Variants in GALNT18 observed in about 807,000 individuals in gnomAD.
The protein encoded by GALNT18 is polypeptide N-acetylgalactosaminyltransferase 18.
A neutral mutation model predicts 69.5 loss-of-function variants in GALNT18; 44 were observed. The ratio of observed to expected loss-of-function variants is 0.63; its 90% CI spans 0.50 to 0.81. The LOEUF (loss-of-function observed/expected upper bound fraction) is 0.81, where lower values mean the gene tolerates loss of function less well. GALNT18 is among the 40% of genes least tolerant of loss of function. GALNT18 has a pLI of 0.00. For synonymous variants in GALNT18, 364 were observed against 318.2 expected (o/e 1.14, Z -1.53); for missense variants, 715 against 810.0 (o/e 0.88, Z 1.42).
rs1849635489 is a variant in GALNT18 at position 11,309,520 on chromosome 11, C to G, written c.1513-16327G>C. 6.6e-6 allele frequency among the ~76,000 whole-genome samples: 1 copy of G among 152,092 alleles called. No homozygotes were observed. The highest frequency in any genetic ancestry group is 2.1e-4 in the South Asian group (1 of 4,826). ...TGCTAGCAGCTTCAATTTTTAAATTCCTTACTTTTTCTGCCTTTTACACCC... is the reference window on the plus strand; with the variant it reads ...TGCTAGCAGCTTCAATTTTTAAATTGCTTACTTTTTCTGCCTTTTACACCC... On this transcript the variant is annotated intron_variant, in intron 9 of 10. Coordinates refer to ENST00000227756, the MANE Select transcript of GALNT18 (RefSeq NM_198516.3). The surrounding 1 kb of genome is among the most constrained non-coding windows in gnomAD (Gnocchi z 4.6).
At position 11,564,130 on chromosome 11, in the gene GALNT18, C is replaced by A. The variant is rs1209353679; in HGVS notation, c.235+57229G>T. Reference sequence around the variant, plus strand: ...TAACCCCATTTTACAGTTGAAGGAACTTGAGCATAGAGAGGTAGAACAACT... The same window carrying A: ...TAACCCCATTTTACAGTTGAAGGAAATTGAGCATAGAGAGGTAGAACAACT... On this transcript the variant is annotated intron_variant, in intron 1 of 10. Coordinates refer to ENST00000227756, the MANE Select transcript of GALNT18 (RefSeq NM_198516.3). This position sits in a 1 kb window ranked among gnomAD's most constrained non-coding sequence, Gnocchi z 4.3. Among the ~76,000 whole-genome samples the A allele has an allele frequency of 6.6e-6, 1 of 152,306 alleles. No individual in the cohort carries two copies. Among genetic ancestry groups the A allele is most frequent in the Non-Finnish European group, 1.5e-5 (1 of 68,030 alleles).
chr11:11,510,348 C>T (rs1857142542), intron 1 of GALNT18, among the ~76,000 whole-genome samples: 1 of 152,160 alleles, frequency 6.6e-6, no homozygotes, highest in African/African-American at 2.4e-5. Flanking sequence ...AAGGGCAGGT[C>T]AGAAGCATTA....
intron 9 of GALNT18, among the ~76,000 whole-genome samples, chr11:11,319,097 C>T (rs555949855): frequency 5.2e-5 from 7 of 134,874 alleles, no homozygotes; most frequent in South Asian, 4.5e-4. Context: ...CTTGCTTAAC[C>T]GTCTTACTTA....
At chr11:11,568,756 C>T (rs1858712967) in intron 1 of GALNT18, among the ~76,000 whole-genome samples, 1 of 152,140 alleles carries the variant, frequency 6.6e-6, no homozygotes, top group Admixed American at 6.5e-5. Flanking sequence ...GCCTGGGTGA[C>T]CTAGTACAAG....
intron 1 of GALNT18, among the ~76,000 whole-genome samples, chr11:11,535,593 A>C (rs1185339757): frequency 6.6e-6 from 1 of 152,124 alleles, no homozygotes; most frequent in East Asian, 1.9e-4. Flanking sequence ...TTCCCAGGGA[A>C]GAGAACCCTG....
rs183457094 is a variant in GALNT18 at position 11,403,661 on chromosome 11, G to C, written c.596-24397C>G. Among the ~76,000 whole-genome samples the C allele has an allele frequency of 7.5e-4, 115 of 152,348 alleles. 2 individuals carry two copies. In the Middle Eastern group the frequency reaches 0.017, roughly 23 times the overall value. The stretch of plus-strand genomic sequence containing the variant: ...CCTCCCCTGTTATTCTGCCATGGGA[G>C]AGAGAGGCTTTGATCCAAGCCAGTG... On this transcript the variant is annotated intron_variant, in intron 3 of 10. Coordinates refer to ENST00000227756, the MANE Select transcript of GALNT18 (RefSeq NM_198516.3).
At chr11:11,290,120 T>C (rs543614912) in intron 10 of GALNT18, among the ~76,000 whole-genome samples, 2 of 152,194 alleles carry the variant, frequency 1.3e-5, no homozygotes, top group South Asian at 4.2e-4. Context: ...CTCTTGTCGA[T>C]TGAGGACTCC....
chr11:11,467,789 C>G (rs942105221), intron 1 of GALNT18, among the ~76,000 whole-genome samples: 1 of 152,154 alleles, frequency 6.6e-6, no homozygotes, highest in African/African-American at 2.4e-5. Context: ...GTAGTATTTC[C>G]TTTCATTGTT....
At position 11,408,994 on chromosome 11, in the gene GALNT18, A is replaced by G. The variant is rs924908496; in HGVS notation, c.595+23627T>C. Among the ~76,000 whole-genome samples, 7 of 151,868 alleles carry G rather than the reference A, an allele frequency of 4.6e-5. 1 individual carries two copies. The highest frequency in any genetic ancestry group is 1.0e-4 in the Non-Finnish European group (7 of 67,970). On this transcript the variant is annotated intron_variant, in intron 3 of 10. Transcript: ENST00000227756. Reference sequence around the variant, plus strand: ...ACACATATGTGCGTCCTAATCACCAACTCCTCCAACTTTGACGTGGTGGTG... The same window carrying G: ...ACACATATGTGCGTCCTAATCACCAGCTCCTCCAACTTTGACGTGGTGGTG...
chr11:11,416,479 T>G (rs565688621), intron 3 of GALNT18, among the ~76,000 whole-genome samples: 2 of 152,196 alleles, frequency 1.3e-5, no homozygotes, highest in Non-Finnish European at 2.9e-5. Context: ...CCATTTGGCA[T>G]GGAGCTCATG....
Position 11,497,604 on chromosome 11 carries a change from A to G in GALNT18, c.236-48668T>C, listed in dbSNP as rs1175161353. On this transcript the variant is annotated intron_variant, in intron 1 of 10. Coordinates refer to ENST00000227756, the MANE Select transcript of GALNT18 (RefSeq NM_198516.3). The surrounding 1 kb of genome is among the most constrained non-coding windows in gnomAD (Gnocchi z 4.2). ...ATAAAGAATTTTGTGGAGGCATGGC[A>G]CCAAATAAGCACCAAACACACAGTA... Among the ~76,000 whole-genome samples the G allele has an allele frequency of 5.9e-5, 9 of 152,184 alleles. No homozygotes were observed. Among genetic ancestry groups the G allele is most frequent in the Admixed American group, 5.9e-4 (9 of 15,266 alleles).
chr11:11,585,446 C>T (rs987218113), intron 1 of GALNT18, among the ~76,000 whole-genome samples: 4 of 151,534 alleles, frequency 2.6e-5, no homozygotes, highest in African/African-American at 9.7e-5. Context: ...GCCTCTGTCT[C>T]CCAGGTTCAA....
intron 3 of GALNT18, among the ~76,000 whole-genome samples, chr11:11,428,929 T>G (rs1251865168): frequency 6.6e-6 from 1 of 152,202 alleles, no homozygotes; most frequent in Non-Finnish European, 1.5e-5. Context: ...TGGGTCATGA[T>G]GTAACTTTAT....
chr11:11,349,534 C>T (rs566335851), intron 6 of GALNT18, among the ~76,000 whole-genome samples: 31 of 152,294 alleles, frequency 2.0e-4, no homozygotes, highest in Non-Finnish European at 1.5e-5. Context: ...TGCAACCTCC[C>T]CTGATTACTA....
At chr11:11,380,643 A>G (rs979459326) in intron 3 of GALNT18, among the ~76,000 whole-genome samples, 9 of 152,226 alleles carry the variant, frequency 5.9e-5, no homozygotes, top group African/African-American at 2.2e-4. Context: ...CTACTAAGTC[A>G]GGCCTCCTCC....
chr11:11,508,001 A>G (rs1857098599), intron 1 of GALNT18, among the ~76,000 whole-genome samples: 1 of 152,238 alleles, frequency 6.6e-6, no homozygotes. Context: ...CTTTTGAGGT[A>G]TGACGGCATT....
At chr11:11,306,134 T>G (rs1849574153) in intron 9 of GALNT18, among the ~76,000 whole-genome samples, 1 of 152,194 alleles carries the variant, frequency 6.6e-6, no homozygotes, top group Non-Finnish European at 1.5e-5. Flanking sequence ...AATACCTTTT[T>G]AGCATACAAC....
At position 11,587,196 on chromosome 11, in the gene GALNT18, C is replaced by T. The variant is rs1307711813; in HGVS notation, c.235+34163G>A. On this transcript the variant is annotated intron_variant, in intron 1 of 10. Transcript: ENST00000227756. This position sits in a 1 kb window ranked among gnomAD's most constrained non-coding sequence, Gnocchi z 4.4. ...CACTATATGACTGGTTCTGATTGGA[C>T]ACTGCCAAATGCCACATTAGCTGTT... Among the ~76,000 whole-genome samples the T allele has an allele frequency of 1.3e-5, 2 of 152,196 alleles. No homozygotes were observed. The highest frequency in any genetic ancestry group is 2.9e-5 in the Non-Finnish European group (2 of 68,044).
At chr11:11,295,247 A>G (rs1401157610) in intron 9 of GALNT18, among the ~76,000 whole-genome samples, 3 of 152,130 alleles carry the variant, frequency 2.0e-5, no homozygotes, top group East Asian at 1.9e-4. Context: ...GTATCAGTCA[A>G]TGCTTCAACA....
Sources: gnomAD v4.1 joint callset for allele counts (sites outside exome capture counted in the v4.1 genomes callset) on GRCh38, gnomAD v4.1.1 for gene constraint, Gnocchi (gnomAD v3.1) non-coding constraint, MANE v1.5 for transcripts, NCBI Gene and HGNC (gene_info 2026-07-23, HGNC 2026-07-21) for gene names.